Variants in CASK observed in about 807,000 individuals in gnomAD.
CASK encodes peripheral plasma membrane protein CASK.
A neutral mutation model predicts 82.9 loss-of-function variants in CASK; 4 were observed. The ratio of observed to expected loss-of-function variants is 0.05; its 90% CI spans 0.02 to 0.11. The LOEUF (loss-of-function observed/expected upper bound fraction) is 0.11. Among genes scored for constraint, CASK ranks in the 10% least tolerant of loss-of-function variants. The pLI is 1.00. For synonymous variants in CASK, 259 were observed against 253.5 expected, an observed-to-expected ratio of 1.02 and a Z score of -0.20; for missense variants, 358 against 720.9, an observed-to-expected ratio of 0.50 and a Z score of 5.76.
chrX:41,560,887 G>A (rs1294451024), intron 17 of CASK, among the ~76,000 whole-genome samples: 1 of 108,368 alleles, frequency 9.2e-6, no homozygotes, highest in Admixed American at 9.9e-5. Context: ...GCAAAACTCC[G>A]TCTCAAAAAA....
chrX:41,819,872 A>T (rs2070495459), intron 2 of CASK, among the ~76,000 whole-genome samples: 1 of 111,864 alleles, frequency 8.9e-6, no homozygotes, highest in South Asian at 3.6e-4. Context: ...GAAATTCAAC[A>T]CTTATCCATA....
At chrX:41,645,695 T>G (rs1309534333) in intron 8 of CASK, among the ~76,000 whole-genome samples, 1 of 111,317 alleles carries the variant, frequency 9.0e-6, no homozygotes, top group Non-Finnish European at 1.9e-5. Context: ...CTTACAAACC[T>G]AAAAATCTCA....
intron 1 of CASK, among the ~76,000 whole-genome samples, chrX:41,876,540 A>AT (rs997483950): frequency 8.9e-6 from 1 of 111,876 alleles, no homozygotes; most frequent in African/African-American, 3.2e-5. Context: ...AGGTGTACAG[A>AT]TTTCAGTTGC....
At chrX:41,750,649 T>C (rs1361233460) in intron 3 of CASK, among the ~76,000 whole-genome samples, 6 of 112,341 alleles carry the variant, frequency 5.3e-5, no homozygotes, top group Non-Finnish European at 9.4e-5. Flanking sequence ...TTTTCATCCA[T>C]CTGAATTTTT....
chrX:41,808,317 G>A (rs939873272), intron 2 of CASK, among the ~76,000 whole-genome samples: 4 of 111,682 alleles, frequency 3.6e-5, no homozygotes, highest in African/African-American at 9.8e-5. Context: ...CCATTTACTC[G>A]ACTGATATGT....
chrX:41,848,581 T>C (rs1300217073), intron 2 of CASK, among the ~76,000 whole-genome samples: 9 of 112,072 alleles, frequency 8.0e-5, no homozygotes, highest in Non-Finnish European at 1.7e-4. Context: ...GTACAGCCTG[T>C]AGAACCATGA....
At chrX:41,804,928 A>G (rs1178856832) in intron 2 of CASK, among the ~76,000 whole-genome samples, 1 of 112,117 alleles carries the variant, frequency 8.9e-6, no homozygotes, top group Non-Finnish European at 1.9e-5. Flanking sequence ...ATACTCATTC[A>G]GGTCTGGGAT....
intron 2 of CASK, among the ~76,000 whole-genome samples, chrX:41,818,943 A>G (rs2070473748): frequency 9.0e-6 from 1 of 111,555 alleles, no homozygotes; most frequent in Non-Finnish European, 1.9e-5. Flanking sequence ...TTTCTATTAA[A>G]AAAAAGGAGA....
chrX:41,706,265 G>T (rs1205174341), intron 5 of CASK, among the ~76,000 whole-genome samples: 1 of 111,359 alleles, frequency 9.0e-6, no homozygotes, highest in Non-Finnish European at 1.9e-5. Context: ...GTTCCAAAAA[G>T]ATGTGGCAAG....
At chrX:41,605,354 T>C (rs1449047902) in intron 12 of CASK, among the ~76,000 whole-genome samples, 2 of 109,854 alleles carry the variant, frequency 1.8e-5, no homozygotes, top group Non-Finnish European at 3.8e-5. Flanking sequence ...CTCAGCACTT[T>C]GGGAGGCCGA....
intron 2 of CASK, among the ~76,000 whole-genome samples, chrX:41,803,328 G>A (rs2070043938): frequency 2.7e-5 from 3 of 111,807 alleles, no homozygotes; most frequent in East Asian, 2.8e-4. Context: ...GGTGGCTCAC[G>A]CTTGTAATCC....
chrX:41,742,704 G>C (rs1033564647), intron 4 of CASK, among the ~76,000 whole-genome samples: 8 of 112,173 alleles, frequency 7.1e-5, no homozygotes, highest in African/African-American at 2.6e-4. Context: ...CAGAATCAGA[G>C]AGGACGAAGA....
chrX:41,724,733 C>A (rs2068226830), intron 5 of CASK, among the ~76,000 whole-genome samples: 1 of 111,620 alleles, frequency 9.0e-6, no homozygotes, highest in Non-Finnish European at 1.9e-5. Context: ...CACTGAGAGT[C>A]CTACAGAGAC....
At chrX:41,618,642 A>T (rs1408266743) in intron 11 of CASK, among the ~76,000 whole-genome samples, 1 of 109,584 alleles carries the variant, frequency 9.1e-6, no homozygotes, top group Non-Finnish European at 1.9e-5. Context: ...GAGGCTCAGT[A>T]GGGTTAAATA....
intron 1 of CASK, among the ~76,000 whole-genome samples, chrX:41,921,290 T>C (rs964715522): frequency 1.8e-5 from 2 of 111,957 alleles, no homozygotes; most frequent in Non-Finnish European, 3.8e-5. Context: ...GAAATGTAGC[T>C]TAGTGTCAGA....
chrX:41,602,464 C>T (rs1486846691), intron 12 of CASK, among the ~76,000 whole-genome samples: 2 of 111,428 alleles, frequency 1.8e-5, no homozygotes, highest in Non-Finnish European at 3.8e-5. Context: ...CCTTGCTAAG[C>T]TTGCCTATAA....
chrX:41,527,162 T>C (rs969432560), intron 25 of CASK, among the ~76,000 whole-genome samples: 2 of 108,900 alleles, frequency 1.8e-5, no homozygotes, highest in African/African-American at 6.9e-5. Context: ...TCTCTCCGAA[T>C]CTCTCTGGGA....
At chrX:41,733,486 C>T (rs1008788155) in intron 5 of CASK, among the ~76,000 whole-genome samples, 15 of 111,345 alleles carry the variant, frequency 1.3e-4, no homozygotes, top group African/African-American at 4.9e-4. Flanking sequence ...CGGTGGCTCA[C>T]GCCTGTAATC....
intron 2 of CASK, among the ~76,000 whole-genome samples, chrX:41,818,982 G>T (rs758637792): frequency 2.7e-5 from 3 of 111,144 alleles, no homozygotes; most frequent in Non-Finnish European, 5.7e-5. Context: ...ATTAGGCAAA[G>T]ATTTCTTAGA....
Sources: gnomAD v4.1 joint callset for allele counts (sites outside exome capture counted in the v4.1 genomes callset) on GRCh38, gnomAD v4.1.1 for gene constraint, MANE v1.5 for transcripts, NCBI Gene and HGNC (gene_info 2026-07-23, HGNC 2026-07-21) for gene names.